TRAM2: variants seen among roughly 807,000 people sequenced by gnomAD.
TRAM2 encodes translocating chain-associated membrane protein 2.
Under a neutral mutation model 51.0 loss-of-function variants are expected in TRAM2, and 12 were observed. The observed-to-expected ratio is 0.24, with a 90% CI of 0.15 to 0.38. The LOEUF (loss-of-function observed/expected upper bound fraction) is 0.38, where lower values mean the gene tolerates loss of function less well. TRAM2 is among the 10% of genes least tolerant of loss of function. TRAM2 has a pLI of 1.00. For missense variants in TRAM2, 361 were observed against 462.0 expected (o/e 0.78, Z 2.00); for synonymous variants, 175 against 179.4 (o/e 0.98, Z 0.20).
intron 10 of TRAM2, among the ~76,000 whole-genome samples, chr6:52,504,251 A>G (rs1394383659): frequency 6.6e-6 from 1 of 152,216 alleles, no homozygotes; most frequent in African/African-American, 2.4e-5. Flanking sequence ...GGCACTGAGA[A>G]TGGGCGGCGG....
chr6:52,532,788 AG>A (rs1766914360), intron 2 of TRAM2, among the ~76,000 whole-genome samples: 1 of 151,818 alleles, frequency 6.6e-6, no homozygotes, highest in African/African-American at 2.4e-5. Context: ...ACACACAAAA[AG>A]GTTCATCATA....
At chr6:52,503,634 C>G (rs1766283737) in intron 10 of TRAM2, among the ~76,000 whole-genome samples, 1 of 152,160 alleles carries the variant, frequency 6.6e-6, no homozygotes, top group South Asian at 2.1e-4. Context: ...GCTGTCACTG[C>G]TCACTGTCCT....
chr6:52,532,790 G>A (rs1766914406), intron 2 of TRAM2, among the ~76,000 whole-genome samples: 1 of 151,482 alleles, frequency 6.6e-6, no homozygotes, highest in Admixed American at 6.6e-5. Context: ...ACACAAAAAG[G>A]TTCATCATAT....
In TRAM2 at chr6:52,498,671, A is replaced by C. The variant is rs1029831576; in HGVS notation, c.*4526T>G. The C allele has an allele frequency of 4.6e-5, 7 of 152,814 alleles. No homozygotes were observed. The highest frequency in any genetic ancestry group is 1.5e-4 in the African/African-American group (6 of 41,372). The allele number at this position is 152,814 out of a possible 1,614,324, so 9.5% of individuals were successfully genotyped here. A position where few individuals can be genotyped will look rare whatever the true frequency, so the allele number is the denominator to read the frequency against. On this transcript the variant is annotated 3_prime_UTR_variant, in exon 11 of 11. Coordinates refer to ENST00000182527, the MANE Select transcript of TRAM2 (RefSeq NM_012288.4). The stretch of plus-strand genomic sequence containing the variant: ...CCAGCTGGGCCAGAAGAGAACTGAC[A>C]CAAGGGAGAAACCAAAAACAAAACA...
At position 52,503,105 on chromosome 6, in the gene TRAM2, C is replaced by CAGGCAGGAAGGAGG; in HGVS notation, c.*78_*91dup. On this transcript the variant is annotated 3_prime_UTR_variant, in exon 11 of 11. Coordinates refer to ENST00000182527, the MANE Select transcript of TRAM2 (RefSeq NM_012288.4). ...TTCGGCTGTTTGAGACGGAGCATCACAGGCAGGAAGGAGGAGGCAGGGAGG... is the reference window on the plus strand; with the variant it reads ...TTCGGCTGTTTGAGACGGAGCATCACAGGCAGGAAGGAGGAGGCAGGAAGGAGGAGGCAGGGAGG... The CAGGCAGGAAGGAGG allele has an allele frequency of 1.8e-6, 2 of 1,091,434 alleles. No homozygotes were observed. Among genetic ancestry groups the CAGGCAGGAAGGAGG allele is most frequent in the Non-Finnish European group, 2.8e-6 (2 of 708,278 alleles). 67.6% of individuals were successfully genotyped at this position (1,091,434 alleles called of 1,614,324 possible).
intron 1 of TRAM2, among the ~76,000 whole-genome samples, chr6:52,548,378 G>A (rs757002809): frequency 4.6e-5 from 7 of 152,206 alleles, no homozygotes; most frequent in Non-Finnish European, 1.0e-4. Flanking sequence ...TGCAAGGAGC[G>A]ACAATGACAT....
In TRAM2 at chr6:52,571,216, T is replaced by C. The variant is rs145890707; in HGVS notation, c.120+5580A>G. 2.1e-3 allele frequency among the ~76,000 whole-genome samples: 319 copies of C among 152,292 alleles called. 1 individual carries two copies. Among genetic ancestry groups the C allele is most frequent in the African/African-American group, 7.1e-3 (294 of 41,578 alleles). On this transcript the variant is annotated intron_variant, in intron 1 of 10. Coordinates refer to ENST00000182527, the MANE Select transcript of TRAM2 (RefSeq NM_012288.4). The stretch of plus-strand genomic sequence containing the variant: ...GCTGATTAGAAAGCACTTCTGTCAT[T>C]TGGGAACTCTAATCCGCTCTTATCA...
chr6:52,567,040 T>C (rs55674325), intron 1 of TRAM2, among the ~76,000 whole-genome samples: 2,690 of 152,290 alleles, frequency 0.018, 45 homozygotes, highest in Non-Finnish European at 0.029. Context: ...TCTAGAATGA[T>C]GGTTCACACA....
At chr6:52,523,462 C>A (rs1184834770) in intron 2 of TRAM2, 2 of 152,502 alleles carry the variant, frequency 1.3e-5, no homozygotes, top group African/African-American at 4.8e-5. Context: ...TAAAAAAATG[C>A]TCAGCCTTAC....
At chr6:52,563,766 C>G (rs1471442096) in intron 1 of TRAM2, among the ~76,000 whole-genome samples, 2 of 148,518 alleles carry the variant, frequency 1.3e-5, no homozygotes, top group Non-Finnish European at 3.0e-5. Context: ...TGGGGAGGGA[C>G]AGTTCTCAAT....
intron 8 of TRAM2, 33 bp from the exon 9 acceptor site, chr6:52,505,775 T>A: frequency 6.4e-7 from 1 of 1,572,926 alleles, no homozygotes; most frequent in Non-Finnish European, 8.6e-7. Flanking sequence ...GATGTCAGTC[T>A]TTAGCGCCCT....
At chr6:52,534,379 C>CCAAA (rs934319197) in intron 2 of TRAM2, among the ~76,000 whole-genome samples, 5 of 152,138 alleles carry the variant, frequency 3.3e-5, no homozygotes, top group Non-Finnish European at 7.4e-5. Context: ...GAAACTCCAT[C>CCAAA]CAAACAAACA....
intron 2 of TRAM2, among the ~76,000 whole-genome samples, chr6:52,528,148 C>G (rs1487388507): frequency 6.6e-6 from 1 of 152,126 alleles, no homozygotes. Context: ...TTTCCAGAAC[C>G]CTGGTGCTGT....
intron 4 of TRAM2, among the ~76,000 whole-genome samples, chr6:52,511,428 G>A (rs12662071): frequency 0.11 from 16,204 of 152,230 alleles, 1,541 homozygotes; most frequent in East Asian, 0.52. Flanking sequence ...GCTGAAATCC[G>A]AGTTGGGCCA....
At chr6:52,533,042 G>T (rs910059579) in intron 2 of TRAM2, among the ~76,000 whole-genome samples, 1 of 146,534 alleles carries the variant, frequency 6.8e-6, no homozygotes, top group African/African-American at 2.5e-5. Context: ...GGTACCTAAG[G>T]TAGTCAAATT....
At chr6:52,561,453 C>A (rs891509443) in intron 1 of TRAM2, among the ~76,000 whole-genome samples, 10 of 148,880 alleles carry the variant, frequency 6.7e-5, no homozygotes, top group Non-Finnish European at 1.2e-4. Flanking sequence ...TGGCTAATTT[C>A]TTTTATACTT....
chr6:52,550,132 G>A (rs546301956), intron 1 of TRAM2, among the ~76,000 whole-genome samples: 51 of 152,290 alleles, frequency 3.3e-4, no homozygotes, highest in Admixed American at 8.5e-4. Context: ...CAGAACATGA[G>A]AGAGCATGAA....
In TRAM2 at chr6:52,498,125, C is replaced by T. The variant is rs756306899; in HGVS notation, c.*5072G>A. 6.6e-6 allele frequency: 1 copy of T among 152,522 alleles called. No individual in the cohort carries two copies. The highest frequency in any genetic ancestry group is 1.5e-5 in the Non-Finnish European group (1 of 68,036). 9.4% of individuals were successfully genotyped at this position (152,522 alleles called of 1,614,324 possible). A position where few individuals can be genotyped will look rare whatever the true frequency, so the allele number is the denominator to read the frequency against. The stretch of plus-strand genomic sequence containing the variant: ...CCACCCAGGATCACAAGAATGACAA[C>T]AAAAGGAAAGTGGCTATTTCTTGTG... On this transcript the variant is annotated 3_prime_UTR_variant, in exon 11 of 11. Transcript: ENST00000182527.
chr6:52,512,916 T>C (rs565127308), intron 4 of TRAM2, among the ~76,000 whole-genome samples: 38 of 152,354 alleles, frequency 2.5e-4, no homozygotes, highest in African/African-American at 7.7e-4. Context: ...ATTAAGGACA[T>C]TCCCTCTACT....
Sources: gnomAD v4.1 joint callset for allele counts (sites outside exome capture counted in the v4.1 genomes callset) on GRCh38, gnomAD v4.1.1 for gene constraint, MANE v1.5 for transcripts, NCBI Gene and HGNC (gene_info 2026-07-23, HGNC 2026-07-21) for gene names.